MME: variants seen among roughly 807,000 people sequenced by gnomAD.
The protein encoded by MME is neprilysin.
Under a neutral mutation model 113.2 loss-of-function variants are expected in MME, and 98 were observed. That is an observed-to-expected ratio of 0.87 (90% CI 0.74 to 1.02). MME has a LOEUF of 1.02. Ranked by LOEUF, MME falls within the 50% of genes least tolerant of loss-of-function variation. MME has a pLI of 0.00. For missense variants in MME, 836 were observed against 896.0 expected (o/e 0.93, Z 0.86); for synonymous variants, 292 against 300.6 (o/e 0.97, Z 0.30).
chr3:155,084,989 G>A lies in MME; in HGVS notation c.161-70G>A, dbSNP rs1715539078. Reference sequence around the variant, plus strand: ...CTTATTTAATTGGCAGTTTTTAAAAGAACAAAAGAAAAATAGAAATTTAAA... The same window carrying A: ...CTTATTTAATTGGCAGTTTTTAAAAAAACAAAAGAAAAATAGAAATTTAAA... On this transcript the variant is annotated intron_variant, in intron 2 of 22. Transcript: ENST00000360490. 6 of 1,122,874 alleles carry A rather than the reference G, an allele frequency of 5.3e-6. No homozygotes were observed. In the East Asian group the frequency reaches 1.0e-4, roughly 19 times the overall value. The allele number at this position is 1,122,874 out of a possible 1,614,324, so 69.6% of individuals were successfully genotyped here.
At chr3:155,156,319 T>C (rs562999001) in intron 16 of MME, among the ~76,000 whole-genome samples, 1 of 152,254 alleles carries the variant, frequency 6.6e-6, no homozygotes, top group Non-Finnish European at 1.5e-5. Context: ...ACCTAGAACA[T>C]AACTTAGGTG....
chr3:155,028,903 G>A (rs1484266637), intron 1 of MME, among the ~76,000 whole-genome samples: 4 of 152,090 alleles, frequency 2.6e-5, no homozygotes, highest in African/African-American at 7.2e-5. Context: ...TTGATTTGGG[G>A]AAGTACAGCA....
At chr3:155,074,952 G>A (rs912062686), upstream of MME, among the ~76,000 whole-genome samples, 6 of 151,804 alleles carry the variant, frequency 4.0e-5, no homozygotes, top group Non-Finnish European at 8.8e-5. Context: ...TGGGTGAAAT[G>A]TTCTATATAT....
chr3:155,137,060 G>C (rs899038952), intron 8 of MME, among the ~76,000 whole-genome samples: 1 of 152,076 alleles, frequency 6.6e-6, no homozygotes, highest in Non-Finnish European at 1.5e-5. Flanking sequence ...CTTGAATGAG[G>C]CATTTATATA....
downstream of MME, chr3:155,183,712 T>C (rs1031221061): frequency 6.6e-6 from 1 of 152,236 alleles, no homozygotes; most frequent in African/African-American, 2.4e-5. Context: ...CTATTGCTTT[T>C]ATGCCTAGTC....
At chr3:155,122,316 T>C (rs199538209) in intron 8 of MME, among the ~76,000 whole-genome samples, 23,696 of 149,862 alleles carry the variant, frequency 0.16, 2,315 homozygotes, top group East Asian at 0.25. Flanking sequence ...CTTTTTTTCT[T>C]TATTAGTCTT....
At chr3:155,040,486 C>A (rs1713271669) in intron 1 of MME, among the ~76,000 whole-genome samples, 1 of 151,582 alleles carries the variant, frequency 6.6e-6, no homozygotes. Flanking sequence ...AATACACGCA[C>A]ATATATATAA....
chr3:155,043,735 T>A (rs115640929), intron 1 of MME, among the ~76,000 whole-genome samples: 177 of 152,270 alleles, frequency 1.2e-3, no homozygotes, highest in African/African-American at 4.1e-3. Context: ...TTCCTATATA[T>A]AATTATTTTA....
Position 155,143,600 on chromosome 3 carries a change from G to A in MME, c.1317+29G>A, listed in dbSNP as rs551316677. On this transcript the variant is annotated intron_variant, in intron 13 of 22. Coordinates refer to ENST00000360490, the MANE Select transcript of MME (RefSeq NM_007289.4). ...ATGTTTTCAGAATAATACACTGTCAGTTATACAGGACACTATCAGTTTGTT... is the reference window on the plus strand; with the variant it reads ...ATGTTTTCAGAATAATACACTGTCAATTATACAGGACACTATCAGTTTGTT... 14 of 1,607,176 alleles carry A rather than the reference G, an allele frequency of 8.7e-6. No homozygotes were observed. In the Admixed American group the frequency reaches 2.0e-4, roughly 23 times the overall value.
At chr3:155,107,821 T>C (rs755380609) in intron 3 of MME, among the ~76,000 whole-genome samples, 21 of 152,178 alleles carry the variant, frequency 1.4e-4, no homozygotes, top group Non-Finnish European at 2.9e-4. Flanking sequence ...TTGTAGTCCA[T>C]TTAGTCAACG....
intron 8 of MME, among the ~76,000 whole-genome samples, chr3:155,124,668 A>G (rs533604652): frequency 0.027 from 3,977 of 150,014 alleles, 140 homozygotes; most frequent in African/African-American, 0.087. Context: ...GTCTGTTGGA[A>G]TACCCTGCCG....
chr3:155,105,894 C>T (rs1468318922), intron 3 of MME, among the ~76,000 whole-genome samples: 1 of 151,996 alleles, frequency 6.6e-6, no homozygotes, highest in African/African-American at 2.4e-5. Flanking sequence ...AATGAAAATC[C>T]TATAATTTAC....
chr3:155,077,970 C>T (rs922651038), upstream of MME, among the ~76,000 whole-genome samples: 3 of 150,520 alleles, frequency 2.0e-5, no homozygotes, highest in Non-Finnish European at 3.0e-5. Context: ...TTTGGGAGAC[C>T]GAGGTGTGTA....
intron 3 of MME, chr3:155,090,010 G>T: frequency 3.4e-6 from 1 of 290,136 alleles, no homozygotes; most frequent in South Asian, 3.1e-5. Context: ...AGAAGCATAT[G>T]TTAGAAGTGT....
rs201068988 is a variant in MME at position 155,181,874 on chromosome 3, A to G, written c.*1415A>G. The G allele has an allele frequency of 6.6e-6, 1 of 152,188 alleles. No homozygotes were observed. The highest frequency in any genetic ancestry group is 2.1e-4 in the South Asian group (1 of 4,826). 9.4% of individuals were successfully genotyped at this position (152,188 alleles called of 1,614,324 possible). ...AAAGCAGGGAATTTCTATCTAAATG[A>G]TGAGTATTAGTTCCCTGTCTCTTGA... On this transcript the variant is annotated 3_prime_UTR_variant, in exon 23 of 23. Transcript: ENST00000360490.
intron 1 of MME, among the ~76,000 whole-genome samples, chr3:155,036,546 A>G (rs912453371): frequency 1.3e-5 from 2 of 151,996 alleles, no homozygotes; most frequent in African/African-American, 4.8e-5. Context: ...CTTTGGGTTG[A>G]CTTCTTTCAC....
At position 155,042,920 on chromosome 3, in the gene MME, A is replaced by ATATATATATATACG. The variant is rs1713395837; in HGVS notation, c.-11+18608_-11+18609insCGTATATATATATA. 5.0e-5 allele frequency among the ~76,000 whole-genome samples: 3 copies of ATATATATATATACG among 59,946 alleles called. No homozygotes were observed. The South Asian group carries it at 1.5e-3, about 30-fold the overall frequency. 39.3% of individuals were successfully genotyped at this position (59,946 alleles called of 152,430 possible). On this transcript the variant is annotated intron_variant, in intron 1 of 22. Coordinates refer to the MME transcript ENST00000492661. Reference sequence around the variant, plus strand: ...AGGTTTTATATATATATATATATATATATATATATATATATATATGTATAT... The same window carrying ATATATATATATACG: ...AGGTTTTATATATATATATATATATATATATATATATACGTATATATATATATATATATGTATAT...
At chr3:155,048,723 G>C (rs561796469) in intron 1 of MME, among the ~76,000 whole-genome samples, 1 of 151,950 alleles carries the variant, frequency 6.6e-6, no homozygotes, top group Admixed American at 6.6e-5. Context: ...TACATGGTAG[G>C]CCTCTTGATC....
At chr3:155,106,166 T>C (rs1466970519) in intron 3 of MME, among the ~76,000 whole-genome samples, 1 of 152,246 alleles carries the variant, frequency 6.6e-6, no homozygotes, top group East Asian at 1.9e-4. Context: ...ACTTCTTTCA[T>C]ATCTATTTGT....
Sources: gnomAD v4.1 joint callset for allele counts (sites outside exome capture counted in the v4.1 genomes callset) on GRCh38, gnomAD v4.1.1 for gene constraint, MANE v1.5 for transcripts, NCBI Gene and HGNC (gene_info 2026-07-23, HGNC 2026-07-21) for gene names.